Variants in PTPRD observed in about 807,000 individuals in gnomAD.
PTPRD encodes protein tyrosine phosphatase receptor type D, also known as receptor-type tyrosine-protein phosphatase delta.
PTPRD carries 34 observed loss-of-function variants against 214.5 expected under a neutral mutation model. The observed-to-expected ratio is 0.16, with a 90% CI of 0.12 to 0.21. The LOEUF (loss-of-function observed/expected upper bound fraction) is 0.21. Among genes scored for constraint, PTPRD ranks in the 10% least tolerant of loss-of-function variants. The pLI is 1.00. For synonymous variants in PTPRD, 1,128 were observed against 845.7 expected, an observed-to-expected ratio of 1.33 and a Z score of -5.79; for missense variants, 2,545 against 2,398.7, an observed-to-expected ratio of 1.06 and a Z score of -1.27.
chr9:9,431,723 C>G (rs963402167), intron 8 of PTPRD, among the ~76,000 whole-genome samples: 1 of 151,678 alleles, frequency 6.6e-6, no homozygotes, highest in African/African-American at 2.4e-5. Flanking sequence ...ACTATGCAGC[C>G]GTAAAAAGGA....
At chr9:8,478,348 A>G (rs2096808180) in intron 30 of PTPRD, among the ~76,000 whole-genome samples, 1 of 152,208 alleles carries the variant, frequency 6.6e-6, no homozygotes, top group Non-Finnish European at 1.5e-5. Context: ...ATGCTTCCAC[A>G]AAAATCTTCT....
At chr9:8,806,260 G>T (rs575221057) in intron 11 of PTPRD, among the ~76,000 whole-genome samples, 1 of 148,386 alleles carries the variant, frequency 6.7e-6, no homozygotes, top group African/African-American at 2.5e-5. Context: ...GGCGGGGGGG[G>T]GATTTTTAAG....
intron 14 of PTPRD, among the ~76,000 whole-genome samples, chr9:8,620,940 C>A (rs1211149841): frequency 6.6e-6 from 1 of 151,956 alleles, no homozygotes; most frequent in African/African-American, 2.4e-5. Flanking sequence ...TTGGCCCCAT[C>A]CCAGCAGCGG....
chr9:10,482,257 G>A (rs528190180), intron 2 of PTPRD, among the ~76,000 whole-genome samples: 43 of 152,058 alleles, frequency 2.8e-4, no homozygotes, highest in African/African-American at 1.0e-3. Flanking sequence ...TGTAGTCCCA[G>A]CTACTGAGGA....
intron 4 of PTPRD, among the ~76,000 whole-genome samples, chr9:10,027,720 A>G (rs564006033): frequency 6.6e-6 from 1 of 152,334 alleles, no homozygotes; most frequent in South Asian, 2.1e-4. Context: ...ATATAAAAAT[A>G]TATGCACATA....
chr9:10,225,150 T>C (rs2099584623), intron 3 of PTPRD, among the ~76,000 whole-genome samples: 1 of 152,010 alleles, frequency 6.6e-6, no homozygotes, highest in Admixed American at 6.6e-5. Flanking sequence ...ACTTAAAATT[T>C]ATATTTTTAT....
intron 7 of PTPRD, among the ~76,000 whole-genome samples, chr9:9,620,362 G>C (rs1056191554): frequency 6.6e-6 from 1 of 152,008 alleles, no homozygotes; most frequent in African/African-American, 2.4e-5. Flanking sequence ...TCAATGCTAG[G>C]CCGGTAAATA....
chr9:8,598,241 C>A (rs1405605475), intron 14 of PTPRD, among the ~76,000 whole-genome samples: 1 of 152,112 alleles, frequency 6.6e-6, no homozygotes, highest in Non-Finnish European at 1.5e-5. Flanking sequence ...CACCTGAGGT[C>A]AGGAGTTTGA....
intron 10 of PTPRD, among the ~76,000 whole-genome samples, chr9:9,061,563 G>C (rs1329555728): frequency 1.3e-5 from 2 of 152,086 alleles, no homozygotes; most frequent in Non-Finnish European, 2.9e-5. Flanking sequence ...CCCCAAGGTT[G>C]TCAACTCATG....
At chr9:9,241,933 C>T (rs1337649596) in intron 9 of PTPRD, among the ~76,000 whole-genome samples, 1 of 151,970 alleles carries the variant, frequency 6.6e-6, no homozygotes, top group Non-Finnish European at 1.5e-5. Flanking sequence ...CAACTTCTTC[C>T]CAGCATCGAT....
intron 11 of PTPRD, among the ~76,000 whole-genome samples, chr9:8,796,258 T>C (rs949403312): frequency 2.0e-5 from 3 of 152,224 alleles, no homozygotes; most frequent in African/African-American, 7.2e-5. Flanking sequence ...ATTTTAATTA[T>C]ACTGGAATCT....
At chr9:8,499,508 T>C (rs182504477) in intron 25 of PTPRD, 139 bp downstream of exon 25, 1,023 of 764,208 alleles carry the variant, frequency 1.3e-3, no homozygotes, top group Non-Finnish European at 1.5e-3. Context: ...AAGATCAATA[T>C]ACATCAATGT....
chr9:9,599,649 T>C (rs946699604), intron 7 of PTPRD, among the ~76,000 whole-genome samples: 17 of 112,400 alleles, frequency 1.5e-4, no homozygotes, highest in Admixed American at 4.4e-4. Context: ...TACTATACCA[T>C]TTTTTCTCTT....
intron 2 of PTPRD, among the ~76,000 whole-genome samples, chr9:10,441,815 T>C (rs73408119): frequency 0.09 from 13,653 of 151,594 alleles, 1,042 homozygotes; most frequent in African/African-American, 0.2. Flanking sequence ...TAGTAATATA[T>C]TCATTTAGTA....
intron 3 of PTPRD, among the ~76,000 whole-genome samples, chr9:10,287,747 C>T (rs1178726040): frequency 3.3e-5 from 5 of 152,056 alleles, no homozygotes; most frequent in Non-Finnish European, 7.4e-5. Context: ...CCTTTGATCT[C>T]CTTTCCTTTC....
intron 14 of PTPRD, among the ~76,000 whole-genome samples, chr9:8,536,947 T>C (rs1157880784): frequency 6.6e-6 from 1 of 152,024 alleles, no homozygotes; most frequent in African/African-American, 2.4e-5. Flanking sequence ...CATTTCAAAA[T>C]GAATCACAGT....
chr9:10,396,385 T>C (rs941791122), intron 2 of PTPRD, among the ~76,000 whole-genome samples: 1 of 151,932 alleles, frequency 6.6e-6, no homozygotes, highest in Non-Finnish European at 1.5e-5. Context: ...ATGTAATTCT[T>C]CAGGATCTAT....
chr9:8,520,073 G>A (rs961382186), intron 20 of PTPRD, among the ~76,000 whole-genome samples: 5 of 152,132 alleles, frequency 3.3e-5, no homozygotes, highest in African/African-American at 1.2e-4. Context: ...GGCTGTGTGT[G>A]CTCCAGATTT....
chr9:8,373,122 T>G (rs1351398935), intron 39 of PTPRD, among the ~76,000 whole-genome samples: 1 of 152,070 alleles, frequency 6.6e-6, no homozygotes, highest in Non-Finnish European at 1.5e-5. Context: ...TTGCATAGTT[T>G]CTTTCTGCTC....
Sources: gnomAD v4.1 joint callset for allele counts (sites outside exome capture counted in the v4.1 genomes callset) on GRCh38, gnomAD v4.1.1 for gene constraint, MANE v1.5 for transcripts, NCBI Gene and HGNC (gene_info 2026-07-23, HGNC 2026-07-21) for gene names.